The following ALKBH2 variants were observed in gnomAD, a reference collection of about 807,000 sequenced individuals.
The protein encoded by ALKBH2 is DNA oxidative demethylase ALKBH2.
In ALKBH2, 19 loss-of-function variants were observed where a neutral mutation model predicts 19.7. That is an observed-to-expected ratio of 0.97 (90% CI 0.67 to 1.42). ALKBH2 has a LOEUF of 1.42. Ranked by LOEUF, ALKBH2 falls within the 40% of genes most tolerant of loss-of-function variation. The probability of loss-of-function intolerance (pLI) is 0.00; values close to 1 mark genes in which losing one functional copy is unlikely to be tolerated. For missense variants in ALKBH2, 310 were observed against 328.5 expected, an observed-to-expected ratio of 0.94 and a Z score of 0.43; for synonymous variants, 135 against 131.2, an observed-to-expected ratio of 1.03 and a Z score of -0.20.
intron 2 of ALKBH2, among the ~76,000 whole-genome samples, 168 bp from the exon 3 acceptor site, chr12:109,090,375 C>CATGCAATTT (rs2042043888): frequency 1.3e-5 from 2 of 152,170 alleles, no homozygotes; most frequent in South Asian, 4.1e-4. Context: ...CCCGTCATTC[C>CATGCAATTT]ATGCAATTTA....
At position 109,092,465 on chromosome 12, in the gene ALKBH2, C is replaced by T; in HGVS notation, c.280+42G>A. The T allele has an allele frequency of 8.4e-6, 12 of 1,435,486 alleles. No individual in the cohort carries two copies. In the South Asian group the frequency reaches 1.7e-4, roughly 20 times the overall value. The allele number at this position is 1,435,486 out of a possible 1,614,324, so 88.9% of individuals were successfully genotyped here. The stretch of plus-strand genomic sequence containing the variant: ...ACGATCATTAATTGCACCAAACAAG[C>T]CCTCAATGCACACACACACACACAC... On this transcript the variant is annotated intron_variant, in intron 2 of 3. Transcript: ENST00000429722.
chr12:109,090,280 G>A (rs931255708), intron 2 of ALKBH2, 73 bp from the exon 3 acceptor site: 18 of 1,368,352 alleles, frequency 1.3e-5, no homozygotes, highest in South Asian at 2.4e-5. Context: ...CCCCCAACCC[G>A]CACTGCCATC....
chr12:109,090,067 T>C lies in ALKBH2; in HGVS notation c.421A>G (p.Ile141Val), dbSNP rs139644396. 0.024 allele frequency: 38,450 copies of C among 1,614,178 alleles called. 605 individuals are homozygous for C. The highest frequency in any genetic ancestry group is 0.027 in the Non-Finnish European group (32,382 of 1,180,028). Residue 141 changes from isoleucine (I) to valine (V), a missense_variant, in exon 3 of 4, where the codon ATC becomes GTC. Physicochemically the swap from Ile to Val is conservative, Grantham distance 29. Transcript: ENST00000429722. ...GTCACCCCAGAGACGTGATCCCGGA[T>C]GCGCTCTAGAACTGGGATCCAGGGC... ...PKPWIPVLERIRDHVSGVTGQ... is the reference protein window; with the variant it reads ...PKPWIPVLERVRDHVSGVTGQ...
At position 109,088,341 on chromosome 12, in the gene ALKBH2, C is replaced by T. The variant is rs770725122; in HGVS notation, c.651G>A (p.Pro217=). ...PSRRVAVVRL[P]LAHGSLLMMN... is the part of the protein sequence containing the mutation. ...TCATTAGTAAGCTCCCGTGGGCCAG[C>T]GGCAGCCTGACCACCGCCACCCTCC... Residue 217 remains proline, a synonymous_variant, in exon 4 of 4, where the codon CCG becomes CCA. Transcript: ENST00000429722. The surrounding 1 kb of genome is among the most constrained non-coding windows in gnomAD (Gnocchi z 4.2). The T allele has an allele frequency of 9.9e-6, 16 of 1,613,918 alleles. No individual in the cohort carries two copies. Among genetic ancestry groups the T allele is most frequent in the East Asian group, 6.7e-5 (3 of 44,886 alleles).
At position 109,088,287 on chromosome 12, in the gene ALKBH2, G is replaced by T; in HGVS notation, c.705C>A (p.Tyr235Ter). 1.2e-6 allele frequency: 2 copies of T among 1,614,148 alleles called. No homozygotes were observed. The highest frequency in any genetic ancestry group is 1.7e-6 in the Non-Finnish European group (2 of 1,180,032). Residue 235 changes from tyrosine to a stop codon, truncating the protein, a stop_gained, in exon 4 of 4, where the codon TAC (tyrosine) becomes TAA (stop). Coordinates refer to ENST00000429722, the MANE Select transcript of ALKBH2 (RefSeq NM_001145374.2). LOFTEE classifies it high-confidence loss of function. The surrounding 1 kb of genome is among the most constrained non-coding windows in gnomAD (Gnocchi z 4.2). ...CCTTCTTTCTCACGGGAAGACTGTG[G>T]TACCAGTGCGTGTTGGTCGGGTGGT... The part of the protein sequence containing the change: ...MMNHPTNTHW[Y>*]HSLPVRKKVL...
Position 109,088,641 on chromosome 12 carries a change from G to T in ALKBH2, c.480-129C>A. The T allele has an allele frequency of 2.4e-6, 2 of 817,810 alleles. No individual in the cohort carries two copies. The highest frequency in any genetic ancestry group is 3.3e-4 in the Middle Eastern group (1 of 3,026). The allele number at this position is 817,810 out of a possible 1,614,324, so 50.7% of individuals were successfully genotyped here. On this transcript the variant is annotated intron_variant, in intron 3 of 3. Coordinates refer to ENST00000429722, the MANE Select transcript of ALKBH2 (RefSeq NM_001145374.2). The surrounding 1 kb of genome is among the most constrained non-coding windows in gnomAD (Gnocchi z 4.2). The stretch of plus-strand genomic sequence containing the variant: ...TGGCTGTACCTGCCGTTGTTTCTGC[G>T]AGGGCTTGAGGTCCACAGTGGGCTC...
Position 109,088,385 on chromosome 12 carries a change from G to A in ALKBH2, c.607C>T (p.Arg203Cys), listed in dbSNP as rs755086747. Residue 203 changes from arginine (R) to cysteine (C), a missense_variant, in exon 4 of 4, where the codon CGT becomes TGT. Coordinates refer to ENST00000429722, the MANE Select transcript of ALKBH2 (RefSeq NM_001145374.2). The surrounding 1 kb of genome is among the most constrained non-coding windows in gnomAD (Gnocchi z 4.2). ...ACCCTCCTGGAGGGGCTTTTCCCAC[G>A]GGAATCCTTATGCCGGAAGACAAAG... is the stretch of plus-strand genomic sequence containing the variant. ...RDFVFRHKDSRGKSPSRRVAV... is the reference protein window; with the variant it reads ...RDFVFRHKDSCGKSPSRRVAV... 24 of 1,613,828 alleles carry A rather than the reference G, an allele frequency of 1.5e-5. No individual in the cohort carries two copies. The East Asian group carries it at 2.7e-4, about 18-fold the overall frequency.
chr12:109,091,089 T>C (rs1052799402), intron 2 of ALKBH2, among the ~76,000 whole-genome samples: 2 of 152,136 alleles, frequency 1.3e-5, no homozygotes, highest in African/African-American at 4.8e-5. Flanking sequence ...CTTGTGGGCA[T>C]TTCTTTTTTT....
rs918755857 is a variant in ALKBH2, at chr12:109,092,521, A to T, written c.266T>A (p.Val89Glu). ...CCTCTGCTTACCTGTAAAATATTCT[A>T]CTTCTTTCTCCAACTCTTGGAAAAT... The part of the protein sequence containing the change: ...DEIFQELEKE[V>E]EYFTGALARV... Residue 89 changes from valine to glutamate, a missense_variant, in exon 2 of 4, where the codon GTA becomes GAA. Coordinates refer to ENST00000429722, the MANE Select transcript of ALKBH2 (RefSeq NM_001145374.2). 6.3e-6 allele frequency: 10 copies of T among 1,585,626 alleles called. No homozygotes were observed. In the South Asian group the frequency reaches 1.0e-4, roughly 16 times the overall value.
At position 109,088,232 on chromosome 12, in the gene ALKBH2, G is replaced by A. The variant is rs373220366; in HGVS notation, c.760C>T (p.Arg254Cys). The change falls in exon 4 of 4, where the codon CGT becomes TGT. Residue 254 changes from arginine to cysteine, a missense_variant. By Grantham distance (180) the Arg-to-Cys change is radical. Coordinates refer to ENST00000429722, the MANE Select transcript of ALKBH2 (RefSeq NM_001145374.2). The surrounding 1 kb of genome is among the most constrained non-coding windows in gnomAD (Gnocchi z 4.2). ...VLAPRVNLTFRKILLTKK is the reference protein window; with the variant it reads ...VLAPRVNLTFCKILLTKK ...TATTTTTTAGTAAGCAAAATTTTAC[G>A]AAAAGTCAGATTCACCCGTGGAGCC... 50 of 1,590,786 alleles carry A rather than the reference G, an allele frequency of 3.1e-5. No individual in the cohort carries two copies. The highest frequency in any genetic ancestry group is 1.7e-4 in the Middle Eastern group (1 of 5,990).
chr12:109,091,289 G>A (rs1300712005), intron 2 of ALKBH2, among the ~76,000 whole-genome samples: 2 of 152,182 alleles, frequency 1.3e-5, no homozygotes, highest in African/African-American at 4.8e-5. Context: ...AGGATGCTGA[G>A]GTGGGAGAAT....
At chr12:109,093,038 C>T (rs1257641680) in intron 1 of ALKBH2, 101 bp from the exon 2 acceptor site, 3 of 975,846 alleles carry the variant, frequency 3.1e-6, no homozygotes, top group Non-Finnish European at 4.1e-6. Context: ...AGCTGGCTAG[C>T]TTGCAAAAAC....
rs1555264092 is a variant in ALKBH2 at position 109,092,494 on chromosome 12, C to CACAA, written c.280+12_280+13insTTGT. On this transcript the variant is annotated intron_variant, in intron 2 of 3. Coordinates refer to ENST00000429722, the MANE Select transcript of ALKBH2 (RefSeq NM_001145374.2). ...CAATGCACACACACACACACACACACCCCTCTGCTTACCTGTAAAATATTC... is the reference window on the plus strand; with the variant it reads ...CAATGCACACACACACACACACACACACAACCCTCTGCTTACCTGTAAAATATTC... 2 of 1,551,842 alleles carry CACAA rather than the reference C, an allele frequency of 1.3e-6. No individual in the cohort carries two copies. Among genetic ancestry groups the CACAA allele is most frequent in the East Asian group, 2.3e-5 (1 of 44,206 alleles).
At chr12:109,091,682 C>A (rs1382055896) in intron 2 of ALKBH2, among the ~76,000 whole-genome samples, 1 of 150,508 alleles carries the variant, frequency 6.6e-6, no homozygotes, top group Non-Finnish European at 1.5e-5. Context: ...GGACTACAGG[C>A]ATGCACCACT....
In ALKBH2 at chr12:109,092,879, G is replaced by T; in HGVS notation, c.-93C>A. ...CCAGTGCAAAAATCTGTTTGTCCAAGGGGTCTCACAGCAACATTCCTAGTT... is the reference window on the plus strand; with the variant it reads ...CCAGTGCAAAAATCTGTTTGTCCAATGGGTCTCACAGCAACATTCCTAGTT... On this transcript the variant is annotated 5_prime_UTR_variant, in exon 2 of 4. Transcript: ENST00000429722. The T allele has an allele frequency of 6.6e-7, 1 of 1,512,924 alleles. No individual in the cohort carries two copies. The highest frequency in any genetic ancestry group is 8.8e-7 in the Non-Finnish European group (1 of 1,134,008). 93.7% of individuals were successfully genotyped at this position (1,512,924 alleles called of 1,614,324 possible).
At chr12:109,092,297 TAGAC>T in intron 2 of ALKBH2, 3 of 645,980 alleles carry the variant, frequency 4.6e-6, no homozygotes, top group Non-Finnish European at 6.8e-6. Flanking sequence ...CAGCTCCTAG[TAGAC>T]AGGCAATCCA....
Position 109,092,682 on chromosome 12 carries a change from T to C in ALKBH2, c.105A>G (p.Glu35=). 6.2e-7 allele frequency: 1 copy of C among 1,613,676 alleles called. No individual in the cohort carries two copies. The highest frequency in any genetic ancestry group is 8.5e-7 in the Non-Finnish European group (1 of 1,179,972). Residue 35 remains glutamate (E), a synonymous_variant, in exon 2 of 4, where the codon GAA becomes GAG. Transcript: ENST00000429722. ...EEPAVLGGDK[E]STRKRPRREA... is the part of the protein sequence containing the mutation. ...CTCTCCTGGGCCTCTTCCTTGTGCT[T>C]TCTTTGTCTCCTCCCAACACAGCTG... is the stretch of plus-strand genomic sequence containing the variant.
intron 2 of ALKBH2, among the ~76,000 whole-genome samples, chr12:109,090,501 C>T (rs984008814): frequency 1.3e-5 from 2 of 152,188 alleles, no homozygotes; most frequent in Non-Finnish European, 2.9e-5. Context: ...AATCTCAGCG[C>T]ACTTCAACCT....
chr12:109,088,412 C>A lies in ALKBH2; in HGVS notation c.580G>T (p.Asp194Tyr), dbSNP rs563761761. ...IASVSFGACR[D>Y]FVFRHKDSRG... is the part of the protein sequence containing the mutation. ...GAATCCTTATGCCGGAAGACAAAGT[C>A]TCTGCAGGCACCGAAGGAGACAGAG... Residue 194 changes from aspartate to tyrosine, a missense_variant, in exon 4 of 4, where the codon GAC becomes TAC. Asp to Tyr is a radical substitution (Grantham distance 160). Transcript: ENST00000429722. The surrounding 1 kb of genome is among the most constrained non-coding windows in gnomAD (Gnocchi z 4.2). 6.2e-7 allele frequency: 1 copy of A among 1,613,958 alleles called. No individual in the cohort carries two copies. Among genetic ancestry groups the A allele is most frequent in the Non-Finnish European group, 8.5e-7 (1 of 1,179,982 alleles).
Sources: gnomAD v4.1 joint callset for allele counts (sites outside exome capture counted in the v4.1 genomes callset) on GRCh38, gnomAD v4.1.1 for gene constraint, Gnocchi (gnomAD v3.1) non-coding constraint, MANE v1.5 for transcripts, NCBI Gene and HGNC (gene_info 2026-07-23, HGNC 2026-07-21) for gene names.